The following CHN2 variants were observed in gnomAD, a reference collection of about 807,000 sequenced individuals.
CHN2 encodes chimerin 2, also known as beta-chimaerin.
A neutral mutation model predicts 56.3 loss-of-function variants in CHN2; 35 were observed. The ratio of observed to expected loss-of-function variants is 0.62; its 90% CI spans 0.47 to 0.82. CHN2 has a LOEUF of 0.82. Among genes scored for constraint, CHN2 ranks in the 40% least tolerant of loss-of-function variants. The pLI is 0.00. For synonymous variants in CHN2, 210 were observed against 212.8 expected (o/e 0.99, Z 0.12); for missense variants, 491 against 580.5 (o/e 0.85, Z 1.58).
Position 29,332,016 on chromosome 7 carries a change from G to GAA in CHN2, c.50-22594_50-22593dup, listed in dbSNP as rs35099980. On this transcript the variant is annotated intron_variant, in intron 1 of 12. Transcript: ENST00000222792. ...AACAGAGCGAGACTCTGTCTCAAAA[G>GAA]AAAAAAAAAAAAAAAAGAGAAGGAT... Among the ~76,000 whole-genome samples, 595 of 137,220 alleles carry GAA rather than the reference G, an allele frequency of 4.3e-3. 2 individuals are homozygous for GAA. The highest frequency in any genetic ancestry group is 0.011 in the African/African-American group (381 of 35,376). The allele number at this position is 137,220 out of a possible 152,430, so 90.0% of individuals were successfully genotyped here.
chr7:29,284,947 C>T (rs1408308456), intron 1 of CHN2, among the ~76,000 whole-genome samples: 1 of 152,240 alleles, frequency 6.6e-6, no homozygotes, highest in Non-Finnish European at 1.5e-5. Flanking sequence ...AATCCTGGAA[C>T]TTCAGGGTTG....
chr7:29,445,915 C>A (rs1298076751), intron 6 of CHN2, among the ~76,000 whole-genome samples: 1 of 152,054 alleles, frequency 6.6e-6, no homozygotes, highest in Admixed American at 6.5e-5. Context: ...CTTGCAAGGG[C>A]CCCCGAGATT....
At chr7:29,458,386 C>T (rs879680989) in intron 6 of CHN2, among the ~76,000 whole-genome samples, 13,375 of 79,278 alleles carry the variant, frequency 0.17, 1,496 homozygotes, top group African/African-American at 0.38. Flanking sequence ...TGCACACACA[C>T]ACACACACAC....
chr7:29,286,612 A>G (rs895754683), intron 1 of CHN2, among the ~76,000 whole-genome samples: 1 of 152,156 alleles, frequency 6.6e-6, no homozygotes, highest in Non-Finnish European at 1.5e-5. Context: ...GGGGAAAAAT[A>G]AGACTTGCTT....
intron 9 of CHN2, among the ~76,000 whole-genome samples, chr7:29,503,204 T>C (rs932969917): frequency 6.6e-6 from 1 of 152,146 alleles, no homozygotes; most frequent in Non-Finnish European, 1.5e-5. Flanking sequence ...ACATTATGAC[T>C]AATATCCTTA....
chr7:29,479,619 G>T (rs565764217), intron 6 of CHN2: 9 of 981,394 alleles, frequency 9.2e-6, no homozygotes, highest in Non-Finnish European at 8.6e-6. Context: ...TAATCTGTTG[G>T]AGCTCAGCCC....
intron 2 of CHN2, among the ~76,000 whole-genome samples, chr7:29,357,361 C>G (rs553917337): frequency 6.6e-6 from 1 of 152,290 alleles, no homozygotes; most frequent in East Asian, 1.9e-4. Flanking sequence ...CAAAGCCCTA[C>G]AGACCACCAG....
chr7:29,265,398 A>G (rs1033291212), intron 1 of CHN2, among the ~76,000 whole-genome samples: 3 of 151,940 alleles, frequency 2.0e-5, no homozygotes, highest in Non-Finnish European at 4.4e-5. Flanking sequence ...GGCCAAACCC[A>G]CTCTCTTGAA....
intron 6 of CHN2, among the ~76,000 whole-genome samples, chr7:29,411,133 G>A (rs530542882): frequency 1.3e-5 from 2 of 152,172 alleles, no homozygotes; most frequent in African/African-American, 4.8e-5. Flanking sequence ...TTCAACACAA[G>A]CCTAGGGCCT....
intron 7 of CHN2, among the ~76,000 whole-genome samples, chr7:29,489,228 A>G (rs1788384375): frequency 1.3e-5 from 2 of 152,112 alleles, no homozygotes; most frequent in South Asian, 4.1e-4. Context: ...CTCGTGTAAT[A>G]TCATCTTTTT....
At chr7:29,297,982 T>G (rs937370696) in intron 1 of CHN2, among the ~76,000 whole-genome samples, 1 of 152,152 alleles carries the variant, frequency 6.6e-6, no homozygotes, top group African/African-American at 2.4e-5. Context: ...TTCTTTGCTA[T>G]CAAATACCTG....
intron 3 of CHN2, among the ~76,000 whole-genome samples, chr7:29,376,763 C>T (rs752577657): frequency 5.3e-5 from 8 of 152,096 alleles, no homozygotes; most frequent in Non-Finnish European, 1.0e-4. Flanking sequence ...CTTATTTTTC[C>T]CAGATGTACT....
At chr7:29,449,239 G>A (rs1238093330) in intron 6 of CHN2, among the ~76,000 whole-genome samples, 1 of 152,122 alleles carries the variant, frequency 6.6e-6, no homozygotes, top group Non-Finnish European at 1.5e-5. Context: ...TAATTAAGGT[G>A]TGTTGGAATT....
At chr7:29,396,818 C>T (rs181471231) in intron 4 of CHN2, 1 of 152,380 alleles carries the variant, frequency 6.6e-6, no homozygotes, top group Admixed American at 6.6e-5. Flanking sequence ...CAACCTGGCT[C>T]AGGCTGCACA....
chr7:29,415,630 G>C (rs1261902715), intron 6 of CHN2, among the ~76,000 whole-genome samples: 6 of 152,304 alleles, frequency 3.9e-5, no homozygotes, highest in South Asian at 4.1e-4. Context: ...AGGTTGGAGA[G>C]GGGGGAGGCT....
At chr7:29,454,173 T>G (rs1018543777) in intron 6 of CHN2, among the ~76,000 whole-genome samples, 2 of 152,158 alleles carry the variant, frequency 1.3e-5, no homozygotes, top group South Asian at 4.2e-4. Flanking sequence ...TCATAAAGGA[T>G]AAGTAGAATA....
intron 2 of CHN2, among the ~76,000 whole-genome samples, chr7:29,152,885 A>G (rs1486250046): frequency 6.6e-6 from 1 of 152,230 alleles, no homozygotes; most frequent in African/African-American, 2.4e-5. Context: ...TCTGAATAAC[A>G]AGGACCTCAG....
intron 2 of CHN2, among the ~76,000 whole-genome samples, chr7:29,188,705 A>G (rs1207515071): frequency 6.6e-6 from 1 of 152,166 alleles, no homozygotes; most frequent in Non-Finnish European, 1.5e-5. Flanking sequence ...GGATAAGAAA[A>G]TGCCAGCTGT....
At chr7:29,320,502 CTCTT>C (rs1026809197) in intron 1 of CHN2, among the ~76,000 whole-genome samples, 32 of 152,244 alleles carry the variant, frequency 2.1e-4, no homozygotes, top group African/African-American at 7.5e-4. Flanking sequence ...ATAAAAAATT[CTCTT>C]TATGGAAAGA....
Sources: allele counts gnomAD v4.1 joint callset (sites outside exome capture counted in the v4.1 genomes callset), GRCh38; gene constraint gnomAD v4.1.1; transcripts MANE v1.5; gene names NCBI Gene and HGNC (gene_info 2026-07-23, HGNC 2026-07-21).